The following PIR variants were observed in gnomAD, a reference collection of about 807,000 sequenced individuals.
The protein encoded by PIR is pirin (iron-binding nuclear protein).
PIR carries 22 observed loss-of-function variants against 24.2 expected under a neutral mutation model. The observed-to-expected ratio is 0.91, with a 90% CI of 0.65 to 1.30. The LOEUF (loss-of-function observed/expected upper bound fraction) is 1.30, where lower values mean the gene tolerates loss of function less well. Ranked by LOEUF, PIR falls within the 50% of genes most tolerant of loss-of-function variation. The pLI is 0.00. For synonymous variants in PIR, 80 were observed against 79.6 expected (o/e 1.00, Z -0.03); for missense variants, 220 against 220.3 (o/e 1.00, Z 0.01).
At chrX:15,470,135 GC>G (rs1233254949) in intron 3 of PIR, among the ~76,000 whole-genome samples, 2 of 111,771 alleles carry the variant, frequency 1.8e-5, no homozygotes, top group Non-Finnish European at 3.8e-5. Context: ...GATCATATGG[GC>G]CCACCAAATC....
At chrX:15,408,712 G>T (rs764801809) in intron 6 of PIR, among the ~76,000 whole-genome samples, 6 of 111,940 alleles carry the variant, frequency 5.4e-5, no homozygotes, top group African/African-American at 1.6e-4. Flanking sequence ...AGGAGATCTG[G>T]AAAGAGAATG....
intron 5 of PIR, among the ~76,000 whole-genome samples, chrX:15,437,473 A>T (rs892964548): frequency 1.0e-3 from 113 of 111,883 alleles, no homozygotes; most frequent in African/African-American, 3.5e-3. Flanking sequence ...CTATTATATA[A>T]ATGGGCCAGA....
At chrX:15,402,713 T>C (rs1271169069) in intron 7 of PIR, among the ~76,000 whole-genome samples, 1 of 109,615 alleles carries the variant, frequency 9.1e-6, no homozygotes, top group African/African-American at 3.3e-5. Flanking sequence ...GGTAACCTTC[T>C]TTCTACTCTC....
chrX:15,420,845 A>G (rs920887447), intron 6 of PIR, among the ~76,000 whole-genome samples: 1 of 111,367 alleles, frequency 9.0e-6, no homozygotes, highest in Non-Finnish European at 1.9e-5. Context: ...TCTTAAACAA[A>G]ACAAAACAAA....
chrX:15,466,004 C>CTTTTTTTT (rs1281489150), intron 3 of PIR, among the ~76,000 whole-genome samples: 1 of 56,327 alleles, frequency 1.8e-5, no homozygotes, highest in African/African-American at 8.6e-5. Flanking sequence ...AAAATGGTGG[C>CTTTTTTTT]TGTTTTTTTT....
intron 6 of PIR, among the ~76,000 whole-genome samples, chrX:15,410,470 A>C (rs1040253590): frequency 2.7e-5 from 3 of 111,473 alleles, no homozygotes; most frequent in African/African-American, 9.8e-5. Flanking sequence ...AAAACCTCAA[A>C]ACTCTCAATA....
chrX:15,478,391 C>T (rs761060836), intron 3 of PIR: 2 of 112,145 alleles, frequency 1.8e-5, no homozygotes, highest in Admixed American at 9.4e-5. Context: ...CCGAAAAGAC[C>T]TTGAAGGATT....
chrX:15,482,812 G>A (rs1370309425), intron 2 of PIR, among the ~76,000 whole-genome samples: 2 of 111,377 alleles, frequency 1.8e-5, no homozygotes, highest in African/African-American at 6.5e-5. Context: ...GAGAGTTTGT[G>A]CATTATTAGA....
At chrX:15,441,895 T>C (rs1925927579) in intron 5 of PIR, among the ~76,000 whole-genome samples, 1 of 111,310 alleles carries the variant, frequency 9.0e-6, no homozygotes, top group East Asian at 2.8e-4. Flanking sequence ...AGGTCTCAGA[T>C]ATAAGTCGTG....
At chrX:15,401,366 C>CTTTTTTTTTTTTTTTTTTTTTTT in intron 7 of PIR, among the ~76,000 whole-genome samples, 1 of 109,713 alleles carries the variant, frequency 9.1e-6, no homozygotes, top group African/African-American at 3.5e-5. Flanking sequence ...CAAGGTAAAC[C>CTTTTTTTTTTTTTTTTTTTTTTT]TTTCTTATAG....
At chrX:15,402,374 ATTAAATT>A (rs1924417280) in intron 7 of PIR, among the ~76,000 whole-genome samples, 1 of 111,897 alleles carries the variant, frequency 8.9e-6, no homozygotes, top group Non-Finnish European at 1.9e-5. Context: ...TTTTCTTATT[ATTAAATT>A]TTTAATTTTT....
In PIR at chrX:15,465,488, G is replaced by A. The variant is rs2147066333; in HGVS notation, c.190-5748C>T. Among the ~76,000 whole-genome samples the A allele has an allele frequency of 2.7e-5, 3 of 111,965 alleles. No homozygotes were observed. The South Asian group carries it at 1.1e-3, about 41-fold the overall frequency. ...GGGCATTACATAATCACAAACACCT[G>A]GAGAATTGCCGTGGGTGGCTGACGA... On this transcript the variant is annotated intron_variant, in intron 3 of 9. Coordinates refer to ENST00000380420, the MANE Select transcript of PIR (RefSeq NM_001018109.3).
chrX:15,427,916 T>A (rs2147033744), intron 5 of PIR, among the ~76,000 whole-genome samples: 1 of 111,085 alleles, frequency 9.0e-6, no homozygotes, highest in East Asian at 2.8e-4. Flanking sequence ...AGCAAAATGC[T>A]TCTCTTCAGG....
At chrX:15,412,377 G>T (rs1296052016) in intron 6 of PIR, among the ~76,000 whole-genome samples, 1 of 111,807 alleles carries the variant, frequency 8.9e-6, no homozygotes, top group African/African-American at 3.3e-5. Flanking sequence ...GCTAATCCCT[G>T]TCCCTCCCAG....
At chrX:15,417,238 C>T (rs1312659355) in intron 6 of PIR, among the ~76,000 whole-genome samples, 5 of 67 alleles carry the variant, frequency 0.075, no homozygotes, top group Non-Finnish European at 0.12. Flanking sequence ...GTGTGAGCCG[C>T]AGCGCCAGCT....
intron 8 of PIR, among the ~76,000 whole-genome samples, chrX:15,396,439 A>G (rs1284834783): frequency 8.9e-6 from 1 of 111,884 alleles, no homozygotes; most frequent in Non-Finnish European, 1.9e-5. Context: ...CTGCCTCGGC[A>G]CTAGTCATCC....
At chrX:15,442,683 T>C (rs1289218571) in intron 5 of PIR, among the ~76,000 whole-genome samples, 3 of 111,872 alleles carry the variant, frequency 2.7e-5, no homozygotes, top group Admixed American at 9.5e-5. Flanking sequence ...TGGAGAAAGT[T>C]TGAGTGGTCT....
At chrX:15,419,122 G>GA (rs140714501) in intron 6 of PIR, among the ~76,000 whole-genome samples, 251 of 99,408 alleles carry the variant, frequency 2.5e-3, no homozygotes, top group South Asian at 0.016. Context: ...TGGAAAGGTG[G>GA]AAAAAAAAAA....
At chrX:15,452,664 G>GT (rs1298945320) in intron 5 of PIR, among the ~76,000 whole-genome samples, 1 of 111,807 alleles carries the variant, frequency 8.9e-6, no homozygotes, top group Non-Finnish European at 1.9e-5. Flanking sequence ...CTCAAGATGG[G>GT]TAAACTCCTG....
Sources: gnomAD v4.1 joint callset for allele counts (sites outside exome capture counted in the v4.1 genomes callset) on GRCh38, gnomAD v4.1.1 for gene constraint, MANE v1.5 for transcripts, NCBI Gene and HGNC (gene_info 2026-07-23, HGNC 2026-07-21) for gene names.